The following BPIFA3 variants were observed in gnomAD, a reference collection of about 807,000 sequenced individuals.
BPIFA3 encodes the protein BPI fold containing family A member 3.
A neutral mutation model predicts 29.7 loss-of-function variants in BPIFA3; 32 were observed. The ratio of observed to expected loss-of-function variants is 1.08; its 90% CI spans 0.81 to 1.45. The LOEUF (loss-of-function observed/expected upper bound fraction) is 1.45. Among genes scored for constraint, BPIFA3 ranks in the 40% most tolerant of loss-of-function variants. BPIFA3 has a pLI of 0.00. For synonymous variants in BPIFA3, 112 were observed against 113.7 expected, an observed-to-expected ratio of 0.98 and a Z score of 0.10; for missense variants, 323 against 311.3, an observed-to-expected ratio of 1.04 and a Z score of -0.28.
At chr20:33,221,406 C>T (rs1985509427) in intron 1 of BPIFA3, among the ~76,000 whole-genome samples, 1 of 152,244 alleles carries the variant, frequency 6.6e-6, no homozygotes, top group South Asian at 2.1e-4. Context: ...ATCCGCCCGC[C>T]TTGGCCTCCC....
chr20:33,224,250 T>C (rs1202002059), intron 2 of BPIFA3, 105 bp from the exon 3 acceptor site: 1 of 976,244 alleles, frequency 1.0e-6, no homozygotes, highest in Non-Finnish European at 1.6e-6. Flanking sequence ...CCAAATCCCA[T>C]TGCCAGGCCC....
intron 1 of BPIFA3, 26 bp downstream of exon 1, chr20:33,217,689 G>T: frequency 2.5e-6 from 4 of 1,605,534 alleles, no homozygotes; most frequent in Non-Finnish European, 2.6e-6. Flanking sequence ...GGCTCTGCCT[G>T]CTGCCTACGG....
At chr20:33,222,568 A>T (rs1985565449) in intron 1 of BPIFA3, among the ~76,000 whole-genome samples, 1 of 132,424 alleles carries the variant, frequency 7.6e-6, no homozygotes, top group Non-Finnish European at 1.5e-5. Flanking sequence ...GGATGGATGG[A>T]TGGATGGATG....
chr20:33,224,599 C>A, intron 3 of BPIFA3, 137 bp downstream of exon 3: 1 of 704,688 alleles, frequency 1.4e-6, no homozygotes, highest in South Asian at 1.7e-5. Context: ...TTGGGCAAGT[C>A]ACTTCACCTC....
intron 1 of BPIFA3, among the ~76,000 whole-genome samples, chr20:33,222,612 A>ATGAG (rs1253088284): frequency 3.1e-5 from 4 of 130,604 alleles, no homozygotes; most frequent in Non-Finnish European, 6.0e-5. Context: ...GGATGAGTGG[A>ATGAG]TGGATGGATG....
chr20:33,220,962 G>A (rs137888796), intron 1 of BPIFA3, among the ~76,000 whole-genome samples: 26 of 152,146 alleles, frequency 1.7e-4, no homozygotes, highest in Admixed American at 5.2e-4. Context: ...TGTTCCTTAT[G>A]CCCCTAGCTT....
chr20:33,224,423 C>T lies in BPIFA3; in HGVS notation c.347C>T (p.Ser116Leu), dbSNP rs754777967. ...IQISFHKEWF[S>L]ANISLEFDLE... ...ATATCATTCCATAAGGAGTGGTTCT[C>T]GGCAAATATCTCACTTGAATTTGAC... Residue 116 changes from serine to leucine, a missense_variant, in exon 3 of 7, where the codon TCG becomes TTG. By Grantham distance (145) the Ser-to-Leu change is moderately radical. Coordinates refer to ENST00000375454, the MANE Select transcript of BPIFA3 (RefSeq NM_178466.5). 12 of 1,613,972 alleles carry T rather than the reference C, an allele frequency of 7.4e-6. No individual in the cohort carries two copies. Among genetic ancestry groups the T allele is most frequent in the East Asian group, 2.2e-5 (1 of 44,900 alleles).
chr20:33,223,566 T>C (rs1301485348), intron 1 of BPIFA3: 2 of 428,798 alleles, frequency 4.7e-6, no homozygotes, highest in South Asian at 4.1e-5. Context: ...TCAACCAGAA[T>C]ACCCCACTTT....
intron 2 of BPIFA3, 30 bp from the exon 3 acceptor site, chr20:33,224,325 T>C: frequency 6.3e-7 from 1 of 1,585,848 alleles, no homozygotes; most frequent in Non-Finnish European, 8.7e-7. Flanking sequence ...TCCCTCACCC[T>C]TGTGGGGCCT....
chr20:33,219,974 C>T (rs944551300), intron 1 of BPIFA3, among the ~76,000 whole-genome samples: 1 of 151,964 alleles, frequency 6.6e-6, no homozygotes, highest in South Asian at 2.1e-4. Flanking sequence ...GTGGCACACA[C>T]CTGTAGTCCC....
At chr20:33,227,489 G>T (rs1200377058) in intron 6 of BPIFA3, 49 bp from the exon 7 acceptor site, 1 of 1,474,372 alleles carries the variant, frequency 6.8e-7, no homozygotes, top group African/African-American at 1.4e-5. Context: ...CGGTGTGGGA[G>T]TTGGGAGGTG....
intron 1 of BPIFA3, among the ~76,000 whole-genome samples, chr20:33,223,158 G>A (rs1327530463): frequency 6.6e-6 from 1 of 152,088 alleles, no homozygotes; most frequent in Non-Finnish European, 1.5e-5. Context: ...AGGGGGATGG[G>A]GTATGACAAA....
At chr20:33,221,669 T>C (rs1021143860) in intron 1 of BPIFA3, among the ~76,000 whole-genome samples, 5 of 151,966 alleles carry the variant, frequency 3.3e-5, no homozygotes, top group Non-Finnish European at 7.3e-5. Flanking sequence ...ATCTTCTAGA[T>C]CAAAAGCTCT....
rs1985303451 is a variant in BPIFA3 at position 33,217,430 on chromosome 20, TC to T, written c.-106del. 11 of 1,406,722 alleles carry T rather than the reference TC, an allele frequency of 7.8e-6. No individual in the cohort carries two copies. The highest frequency in any genetic ancestry group is 9.6e-6 in the Non-Finnish European group (10 of 1,046,200). 87.1% of individuals were successfully genotyped at this position (1,406,722 alleles called of 1,614,324 possible). ...AGCATGCTGGGGGCTAATTCTGATGTCATCTTTCTGCAGAAAACCATTAGAC... is the reference window on the plus strand; with the variant it reads ...AGCATGCTGGGGGCTAATTCTGATGTATCTTTCTGCAGAAAACCATTAGAC... On this transcript the variant is annotated 5_prime_UTR_variant, in exon 1 of 7. It removes the in-frame stop codon of an upstream open reading frame in the 5' UTR. Transcript: ENST00000375454.
In BPIFA3 at chr20:33,217,651, A is replaced by G; in HGVS notation, c.115A>G (p.Thr39Ala). ...LAQAHRDNKS[T>A]LARIIAQGLI... The stretch of plus-strand genomic sequence containing the variant: ...CCAAGCCCACAGAGACAACAAATCC[A>G]CCCTGGCAAGAAGTAAGCTAAGCCC... The change falls in exon 1 of 7, where the codon ACC becomes GCC. Residue 39 changes from threonine to alanine, a missense_variant. Physicochemically the swap from Thr to Ala is moderately conservative, Grantham distance 58. Transcript: ENST00000375454. 6.2e-7 allele frequency: 1 copy of G among 1,613,220 alleles called. No homozygotes were observed. Among genetic ancestry groups the G allele is most frequent in the Non-Finnish European group, 8.5e-7 (1 of 1,179,718 alleles).
rs754968574 is a variant in BPIFA3, at chr20:33,226,918, C to T, written c.622-12C>T. On this transcript the variant is annotated splice_polypyrimidine_tract_variant and intron_variant, in intron 5 of 6. Transcript: ENST00000375454. The stretch of plus-strand genomic sequence containing the variant: ...CCCTGGCCTGATCCTTCTCTCTGTG[C>T]TGATGGTCCAGGTATGTCCTCTGAT... The T allele has an allele frequency of 6.2e-7, 1 of 1,614,148 alleles. No homozygotes were observed. Among genetic ancestry groups the T allele is most frequent in the East Asian group, 2.2e-5 (1 of 44,882 alleles).
At chr20:33,224,862 T>G (rs547972913) in intron 3 of BPIFA3, among the ~76,000 whole-genome samples, 96 of 152,292 alleles carry the variant, frequency 6.3e-4, no homozygotes, top group Non-Finnish European at 4.4e-5. Flanking sequence ...AGATTAACTC[T>G]CAACGTTTGA....
In BPIFA3 at chr20:33,226,819, C is replaced by G. The variant is rs371816367; in HGVS notation, c.622-111C>G. 3.7e-5 allele frequency: 50 copies of G among 1,359,022 alleles called. No homozygotes were observed. In the East Asian group the frequency reaches 5.6e-4, roughly 15 times the overall value. The allele number at this position is 1,359,022 out of a possible 1,614,324, so 84.2% of individuals were successfully genotyped here. Reference sequence around the variant, plus strand: ...CTCACTACAAGGGAGCTGCTCTGGCCACGATTCCTACTGGAAAAAATCCCA... The same window carrying G: ...CTCACTACAAGGGAGCTGCTCTGGCGACGATTCCTACTGGAAAAAATCCCA... On this transcript the variant is annotated intron_variant, in intron 5 of 6. Coordinates refer to ENST00000375454, the MANE Select transcript of BPIFA3 (RefSeq NM_178466.5).
Position 33,223,770 on chromosome 20 carries a change from C to T in BPIFA3, c.128-41C>T, listed in dbSNP as rs369522069. On this transcript the variant is annotated intron_variant, in intron 1 of 6. Transcript: ENST00000375454. ...CGAATCCCAAGCCCCCCACCTTTTC[C>T]GTGACACTGTGCAAAGTCAGTGGTC... 31 of 1,584,446 alleles carry T rather than the reference C, an allele frequency of 2.0e-5. No individual in the cohort carries two copies. The African/African-American group carries it at 2.8e-4, about 14-fold the overall frequency.
Sources: gnomAD v4.1 joint callset for allele counts (sites outside exome capture counted in the v4.1 genomes callset) on GRCh38, gnomAD v4.1.1 for gene constraint, MANE v1.5 for transcripts, NCBI Gene and HGNC (gene_info 2026-07-23, HGNC 2026-07-21) for gene names.